The following ABCA6 variants were observed in gnomAD, a reference collection of about 807,000 sequenced individuals.
ABCA6 encodes the protein ATP binding cassette subfamily A member 6, also known as ATP-binding cassette sub-family A member 6.
A neutral mutation model predicts 191.2 loss-of-function variants in ABCA6; 164 were observed. The observed-to-expected ratio is 0.86, with a 90% CI of 0.76 to 0.98. ABCA6 has a LOEUF of 0.98. Among genes scored for constraint, ABCA6 ranks in the 50% least tolerant of loss-of-function variants. The probability of loss-of-function intolerance (pLI) is 0.00; values close to 1 mark genes in which losing one functional copy is unlikely to be tolerated. For missense variants in ABCA6, 1,958 were observed against 1,894.1 expected (o/e 1.03, Z -0.63); for synonymous variants, 636 against 647.7 (o/e 0.98, Z 0.27).
In ABCA6 at chr17:69,113,309, G is replaced by T. The variant is rs145348070; in HGVS notation, c.1954C>A (p.Gln652Lys). 8 of 1,596,232 alleles carry T rather than the reference G, an allele frequency of 5.0e-6. No individual in the cohort carries two copies. In the African/African-American group the frequency reaches 1.1e-4, roughly 22 times the overall value. The change falls in exon 15 of 39, where the codon CAA becomes AAA. Residue 652 changes from glutamine to lysine, a missense_variant. Transcript: ENST00000284425. ...TTGLDPFSRD[Q>K]VWSLLRERRA... ...CGCTCTCTCAGGAGGCTCCACACTT[G>T]ATCTCTGGAAAAGGGATCCAATCCA...
intron 15 of ABCA6, chr17:69,112,953 T>C (rs2073457155): frequency 1.2e-5 from 3 of 250,634 alleles, no homozygotes; most frequent in East Asian, 1.7e-4. Flanking sequence ...CAATTAAATA[T>C]ATATAAAAAA....
intron 26 of ABCA6, among the ~76,000 whole-genome samples, chr17:69,090,361 CAG>C (rs2072897381): frequency 6.6e-6 from 1 of 152,202 alleles, no homozygotes; most frequent in East Asian, 1.9e-4. Context: ...GAACCACATT[CAG>C]TTTCTTTAAT....
chr17:69,127,425 G>A (rs1198086845), intron 8 of ABCA6, among the ~76,000 whole-genome samples: 5 of 152,032 alleles, frequency 3.3e-5, no homozygotes, highest in Admixed American at 2.0e-4. Context: ...AAGCAATTGG[G>A]AGAAGATAGA....
intron 13 of ABCA6, 33 bp downstream of exon 13, chr17:69,114,729 G>A (rs2073503340): frequency 3.2e-6 from 5 of 1,565,178 alleles, no homozygotes; most frequent in Non-Finnish European, 4.3e-6. Context: ...GTAAGTGGTT[G>A]GCAGGTCAGT....
chr17:69,137,298 T>C lies in ABCA6; in HGVS notation c.299A>G (p.Lys100Arg). ...MNKTALAPLL[K>R]GTSVIGAPNK... ...TTTTTTGCCATGAGTACACCTACCT[T>C]TCAAAAGAGGAGCAAGTGCTGTTTT... Residue 100 changes from lysine to arginine, a missense_variant and splice_region_variant, in exon 3 of 39, where the codon AAA becomes AGA. Lys to Arg is a conservative substitution (Grantham distance 26). Transcript: ENST00000284425. 1 of 1,611,794 alleles carries C rather than the reference T, an allele frequency of 6.2e-7. No homozygotes were observed. The highest frequency in any genetic ancestry group is 1.1e-5 in the South Asian group (1 of 90,932).
rs768367809 is a variant in ABCA6, at chr17:69,129,711, T to A, written c.832A>T (p.Ile278Phe). The A allele has an allele frequency of 6.2e-7, 1 of 1,604,438 alleles. No homozygotes were observed. Among genetic ancestry groups the A allele is most frequent in the Non-Finnish European group, 8.5e-7 (1 of 1,172,544 alleles). The change falls in exon 7 of 39, where the codon ATT becomes TTT. Residue 278 changes from isoleucine to phenylalanine, a missense_variant. By Grantham distance (21) the Ile-to-Phe change is conservative. Coordinates refer to ENST00000284425, the MANE Select transcript of ABCA6 (RefSeq NM_080284.3). ...ATGATAATTGTAACGAATATGGAAA[T>A]AATAAAGATGAAGCCAGCATAGATT... Reference protein sequence around the residue: ...GLIYAGFIFIISIFVTIIITF... With the variant: ...GLIYAGFIFIFSIFVTIIITF...
At chr17:69,103,692 A>T (rs2073229893) in intron 20 of ABCA6, among the ~76,000 whole-genome samples, 1 of 152,036 alleles carries the variant, frequency 6.6e-6, no homozygotes, top group Admixed American at 6.6e-5. Flanking sequence ...TATGCTCTGA[A>T]GCTATAGTCA....
intron 34 of ABCA6, 34 bp downstream of exon 34, chr17:69,084,227 C>T: frequency 6.2e-7 from 1 of 1,601,330 alleles, no homozygotes; most frequent in Non-Finnish European, 8.6e-7. Flanking sequence ...CCCTAATGTG[C>T]ATGCTCGCAG....
At position 69,083,024 on chromosome 17, in the gene ABCA6, G is replaced by T. The variant is rs762951382; in HGVS notation, c.4476-11C>A. ...ATGGAGCCAATGCATCTATGGGCAAGAAAGAGAATATGTTGGAAAAAATAT... is the reference window on the plus strand; with the variant it reads ...ATGGAGCCAATGCATCTATGGGCAATAAAGAGAATATGTTGGAAAAAATAT... On this transcript the variant is annotated splice_polypyrimidine_tract_variant and intron_variant, in intron 35 of 38. Coordinates refer to ENST00000284425, the MANE Select transcript of ABCA6 (RefSeq NM_080284.3). 2.5e-6 allele frequency: 4 copies of T among 1,612,140 alleles called. No individual in the cohort carries two copies. Among genetic ancestry groups the T allele is most frequent in the Non-Finnish European group, 1.7e-6 (2 of 1,179,358 alleles).
Position 69,096,333 on chromosome 17 carries a change from A to G in ABCA6, c.3315T>C (p.Tyr1105=). ...ATATGAAGAAGACAAGAGAAGCTGC[A>G]TAACCAGGAGTAACTATAACCTGAG... ...VFALVIVTPG[Y]AASLVFFIYM... Residue 1105 remains tyrosine (Y), a synonymous_variant, in exon 25 of 39, where the codon TAT becomes TAC. Transcript: ENST00000284425. 6.7e-7 allele frequency: 1 copy of G among 1,501,166 alleles called. No homozygotes were observed. The highest frequency in any genetic ancestry group is 8.9e-7 in the Non-Finnish European group (1 of 1,120,246). 93.0% of individuals were successfully genotyped at this position (1,501,166 alleles called of 1,614,324 possible). A position where few individuals can be genotyped will look rare whatever the true frequency, so the allele number is the denominator to read the frequency against.
chr17:69,114,705 C>A, intron 13 of ABCA6, 57 bp downstream of exon 13: 1 of 1,468,390 alleles, frequency 6.8e-7, no homozygotes, highest in South Asian at 1.4e-5. Flanking sequence ...ATTCTGTGGT[C>A]ATGATTTAAT....
chr17:69,115,535 A>G lies in ABCA6; in HGVS notation c.1496-49T>C, dbSNP rs754021359. On this transcript the variant is annotated intron_variant, in intron 11 of 38. Transcript: ENST00000284425. Reference sequence around the variant, plus strand: ...CAAATTATTAACAGTATAAACAGAAAGGCATTAGACAGGCCTGGTCCCAAC... The same window carrying G: ...CAAATTATTAACAGTATAAACAGAAGGGCATTAGACAGGCCTGGTCCCAAC... 14 of 1,451,888 alleles carry G rather than the reference A, an allele frequency of 9.6e-6. No homozygotes were observed. In the East Asian group the frequency reaches 3.0e-4, roughly 31 times the overall value. 89.9% of individuals were successfully genotyped at this position (1,451,888 alleles called of 1,614,324 possible).
At chr17:69,106,865 T>C (rs573784261) in intron 18 of ABCA6, among the ~76,000 whole-genome samples, 1 of 152,296 alleles carries the variant, frequency 6.6e-6, no homozygotes, top group East Asian at 1.9e-4. Context: ...GAAAATACAC[T>C]GAATTCATAC....
At chr17:69,130,143 C>G (rs918699726) in intron 6 of ABCA6, among the ~76,000 whole-genome samples, 5 of 151,804 alleles carry the variant, frequency 3.3e-5, no homozygotes, top group Admixed American at 2.0e-4. Context: ...TGGTGAAACC[C>G]GTCTCTACTA....
At position 69,096,816 on chromosome 17, in the gene ABCA6, AAAG is replaced by A; in HGVS notation, c.3121-18_3121-16del. The A allele has an allele frequency of 1.9e-5, 29 of 1,515,974 alleles. No individual in the cohort carries two copies. Among genetic ancestry groups the A allele is most frequent in the South Asian group, 2.7e-5 (2 of 73,016 alleles). The allele number at this position is 1,515,974 out of a possible 1,614,324, so 93.9% of individuals were successfully genotyped here. ...TTAGCATTTTTCTGATTAAAAAAAAAAAGAAAGAAAGAAATGTATATAGATTCA... is the reference window on the plus strand; with the variant it reads ...TTAGCATTTTTCTGATTAAAAAAAAAAAAGAAAGAAATGTATATAGATTCA... On this transcript the variant is annotated splice_polypyrimidine_tract_variant and intron_variant, in intron 23 of 38. Transcript: ENST00000284425.
chr17:69,083,777 G>A (rs2072700214), intron 34 of ABCA6, among the ~76,000 whole-genome samples: 1 of 152,144 alleles, frequency 6.6e-6, no homozygotes, highest in Non-Finnish European at 1.5e-5. Flanking sequence ...TGACCAATAT[G>A]AAACTAGATT....
Position 69,109,511 on chromosome 17 carries a change from C to CA in ABCA6, c.2272+1289dup, listed in dbSNP as rs2073377610. On this transcript the variant is annotated intron_variant, in intron 17 of 38. Transcript: ENST00000284425. ...TTTTCTCTGCAAAATAGTACATGCA[C>CA]AATTAAAATAGAGTAATCCTGCCTT... is the stretch of plus-strand genomic sequence containing the variant. 2 of 152,142 alleles carry CA rather than the reference C, an allele frequency of 1.3e-5. 1 individual carries two copies. The highest frequency in any genetic ancestry group is 4.8e-5 in the African/African-American group (2 of 41,430). 9.4% of individuals were successfully genotyped at this position (152,142 alleles called of 1,614,324 possible).
chr17:69,125,084 G>C, intron 8 of ABCA6, 49 bp from the exon 9 acceptor site: 1 of 1,005,312 alleles, frequency 9.9e-7, no homozygotes, highest in Non-Finnish European at 1.3e-6. Flanking sequence ...TAAATAAATA[G>C]CTTGGCATAG....
At chr17:69,105,199 A>G (rs1405665197) in intron 20 of ABCA6, 4 of 379,120 alleles carry the variant, frequency 1.1e-5, no homozygotes, top group Non-Finnish European at 1.9e-5. Context: ...TTTGCCATGT[A>G]ATAGCTTAGG....
Sources: allele counts gnomAD v4.1 joint callset (sites outside exome capture counted in the v4.1 genomes callset), GRCh38; gene constraint gnomAD v4.1.1; transcripts MANE v1.5; gene names NCBI Gene and HGNC (gene_info 2026-07-23, HGNC 2026-07-21).